The following GIPR variants were observed in gnomAD, a reference collection of about 807,000 sequenced individuals.
The protein encoded by GIPR is GIP-R.
Under a neutral mutation model 62.2 loss-of-function variants are expected in GIPR, and 74 were observed. That is an observed-to-expected ratio of 1.19 (90% CI 0.99 to 1.44). The LOEUF is 1.44. Ranked by LOEUF, GIPR falls within the 40% of genes most tolerant of loss-of-function variation. The pLI is 0.00. For synonymous variants in GIPR, 256 were observed against 262.2 expected (o/e 0.98, Z 0.23); for missense variants, 664 against 611.8 (o/e 1.09, Z -0.90).
chr19:45,672,596 C>T (rs190534485), intron 4 of GIPR: 10 of 420,138 alleles, frequency 2.4e-5, no homozygotes, highest in African/African-American at 1.0e-4. Flanking sequence ...TGAGCCACCA[C>T]GCCCAGCCTT....
chr19:45,678,270 C>T lies in GIPR; in HGVS notation c.1152+44C>T, dbSNP rs186860004. On this transcript the variant is annotated intron_variant, in intron 12 of 13. Coordinates refer to ENST00000590918, the MANE Select transcript of GIPR (RefSeq NM_000164.4). ...GGGGCTCCATCCTTCCACCCAGGGC[C>T]TCCTCCCCAGAGGGGCACGAAAGCT... 168 of 1,541,140 alleles carry T rather than the reference C, an allele frequency of 1.1e-4. 1 individual carries two copies. In the African/African-American group the frequency reaches 1.9e-3, roughly 18 times the overall value.
At chr19:45,677,420 G>T in intron 9 of GIPR, 37 bp downstream of exon 9, 1 of 1,334,002 alleles carries the variant, frequency 7.5e-7, no homozygotes. Flanking sequence ...GTGGGAGGTG[G>T]GCGGGGCTTT....
intron 4 of GIPR, 169 bp from the exon 5 acceptor site, chr19:45,672,682 A>G: frequency 1.6e-6 from 1 of 639,390 alleles, no homozygotes; most frequent in South Asian, 1.7e-5. Flanking sequence ...TAGTATGAAT[A>G]TTAAATTAAT....
intron 5 of GIPR, 29 bp downstream of exon 5, chr19:45,672,983 G>GCCT (rs1339856240): frequency 7.9e-7 from 1 of 1,268,220 alleles, no homozygotes; most frequent in Non-Finnish European, 1.2e-6. Flanking sequence ...TTCAGGTTAG[G>GCCT]AGTCCAGGGA....
chr19:45,675,457 C>T (rs1975792021), intron 7 of GIPR: 1 of 152,656 alleles, frequency 6.6e-6, no homozygotes, highest in Non-Finnish European at 1.5e-5. Flanking sequence ...CACCTGTAAT[C>T]CCAGCTACTC....
Position 45,671,349 on chromosome 19 carries a change from T to TG in GIPR, c.238dup (p.Ala80GlyfsTer27), listed in dbSNP as rs747093436. 1 of 1,612,588 alleles carries TG rather than the reference T, an allele frequency of 6.2e-7. No individual in the cohort carries two copies. Among genetic ancestry groups the TG allele is most frequent in the East Asian group, 2.2e-5 (1 of 44,870 alleles). On this transcript the variant is annotated frameshift_variant, in exon 4 of 14. Transcript: ENST00000590918. LOFTEE classifies it high-confidence loss of function. ...GGGACTATGCTGCACCCAATGCCAC[T>TG]GCCCGTGCGTCCTGCCCCTGGTACC...
Position 45,669,588 on chromosome 19 carries a change from C to A in GIPR, c.68C>A (p.Ala23Glu). ...CTGTGCGGGCTGCTGCTCCAGAGGG[C>A]GGAGGTGAGGAAGCGAGGAGCCAGA... is the stretch of plus-strand genomic sequence containing the variant. ...LSLCGLLLQR[A>E]ETGSKGQTAG... is the part of the protein sequence containing the mutation. The change falls in exon 2 of 14, where the codon GCG (alanine) becomes GAG (glutamate). Residue 23 changes from alanine to glutamate, a missense_variant. Physicochemically the swap from Ala to Glu is moderately radical, Grantham distance 107. Transcript: ENST00000590918. 6.3e-7 allele frequency: 1 copy of A among 1,578,750 alleles called. No individual in the cohort carries two copies. Among genetic ancestry groups the A allele is most frequent in the South Asian group, 1.2e-5 (1 of 86,758 alleles).
At chr19:45,677,142 C>A in intron 8 of GIPR, 34 bp downstream of exon 8, 1 of 1,608,172 alleles carries the variant, frequency 6.2e-7, no homozygotes, top group Non-Finnish European at 8.5e-7. Flanking sequence ...CCCAACCCAG[C>A]GCGCCTCTCC....
chr19:45,680,401 C>G (rs529345217), intron 12 of GIPR, among the ~76,000 whole-genome samples: 2 of 151,958 alleles, frequency 1.3e-5, no homozygotes, highest in Admixed American at 1.3e-4. Context: ...GTGGTGCATG[C>G]CTGTAGTCTT....
intron 12 of GIPR, 115 bp from the exon 13 acceptor site, chr19:45,681,489 C>T (rs1051831948): frequency 1.1e-6 from 1 of 950,666 alleles, no homozygotes; most frequent in East Asian, 2.6e-5. Flanking sequence ...GAGCAATATT[C>T]CGACTCTTAA....
intron 12 of GIPR, among the ~76,000 whole-genome samples, chr19:45,678,967 G>A (rs1443533000): frequency 1.3e-5 from 2 of 152,164 alleles, no homozygotes; most frequent in South Asian, 2.1e-4. Context: ...GTTTACCTGA[G>A]TCCCCAACCT....
At chr19:45,680,334 C>A (rs1967162690) in intron 12 of GIPR, among the ~76,000 whole-genome samples, 1 of 151,716 alleles carries the variant, frequency 6.6e-6, no homozygotes, top group Admixed American at 6.6e-5. Context: ...TGCACTCCAG[C>A]CTGGGAAACA....
At position 45,682,167 on chromosome 19, in the gene GIPR, C is replaced by A. The variant is rs1430771556; in HGVS notation, c.*232C>A. 1.1e-5 allele frequency: 6 copies of A among 552,986 alleles called. No homozygotes were observed. The highest frequency in any genetic ancestry group is 9.0e-4 in the Middle Eastern group (2 of 2,212). The allele number at this position is 552,986 out of a possible 1,614,324, so 34.3% of individuals were successfully genotyped here. ...AAGCGAGAAGGGGGCCTAGGGTGGT[C>A]TGGGAGGCGTCTCCAAGGAGGTGAC... On this transcript the variant is annotated 3_prime_UTR_variant, in exon 14 of 14. Coordinates refer to ENST00000590918, the MANE Select transcript of GIPR (RefSeq NM_000164.4).
intron 12 of GIPR, among the ~76,000 whole-genome samples, chr19:45,679,155 A>G (rs1306653401): frequency 6.6e-6 from 1 of 152,176 alleles, no homozygotes; most frequent in Non-Finnish European, 1.5e-5. Context: ...CCTACCCTCC[A>G]GTGGGAAAGA....
At chr19:45,677,661 G>C (rs1160540677) in intron 9 of GIPR, 49 bp from the exon 10 acceptor site, 1 of 1,423,616 alleles carries the variant, frequency 7.0e-7, no homozygotes, top group Non-Finnish European at 9.9e-7. Flanking sequence ...CTTGGTGATC[G>C]GTGAGTCTAG....
In GIPR at chr19:45,669,576, T is replaced by C; in HGVS notation, c.56T>C (p.Leu19Pro). The change falls in exon 2 of 14, where the codon CTG (leucine) becomes CCG (proline). Residue 19 changes from leucine (L) to proline (P), a missense_variant. By Grantham distance (98) the Leu-to-Pro change is moderately conservative (BLOSUM62 -3). Transcript: ENST00000590918. ...CTGCGGCTCTCACTGTGCGGGCTGC[T>C]GCTCCAGAGGGCGGAGGTGAGGAAG... ...LLLRLSLCGLLLQRAETGSKG... is the reference protein window; with the variant it reads ...LLLRLSLCGLPLQRAETGSKG... 1.9e-6 allele frequency: 3 copies of C among 1,581,202 alleles called. No homozygotes were observed. Among genetic ancestry groups the C allele is most frequent in the South Asian group, 1.2e-5 (1 of 86,812 alleles).
intron 4 of GIPR, 47 bp from the exon 5 acceptor site, chr19:45,672,804 T>C (rs1172437463): frequency 8.8e-7 from 1 of 1,135,536 alleles, no homozygotes; most frequent in African/African-American, 1.5e-5. Context: ...TTTCTGTATT[T>C]ATCTCTTTCT....
At chr19:45,670,587 G>A (rs200489477) in intron 2 of GIPR, 48 bp from the exon 3 acceptor site, 7 of 1,344,804 alleles carry the variant, frequency 5.2e-6, no homozygotes, top group Non-Finnish European at 7.4e-6. Context: ...CTAGCAGCCT[G>A]GGAGCGGGGG....
At chr19:45,669,737 G>A (rs1055726909) in intron 2 of GIPR, 145 bp downstream of exon 2, 6 of 1,104,688 alleles carry the variant, frequency 5.4e-6, no homozygotes, top group Non-Finnish European at 6.3e-6. Flanking sequence ...CTTGAGGCCA[G>A]GAGTTCGAGA....
Sources: allele counts gnomAD v4.1 joint callset (sites outside exome capture counted in the v4.1 genomes callset), GRCh38; gene constraint gnomAD v4.1.1; transcripts MANE v1.5; gene names NCBI Gene and HGNC (gene_info 2026-07-23, HGNC 2026-07-21).